The following PCDHA6 variants were observed in gnomAD, a reference collection of about 807,000 sequenced individuals.
PCDHA6 encodes protocadherin alpha-6.
Under a neutral mutation model 60.3 loss-of-function variants are expected in PCDHA6, and 55 were observed. The observed-to-expected ratio is 0.91, with a 90% CI of 0.73 to 1.14. PCDHA6 has a LOEUF of 1.14. Among genes scored for constraint, PCDHA6 ranks in the 50% most tolerant of loss-of-function variants. PCDHA6 has a pLI of 0.00. For missense variants in PCDHA6, 1,327 were observed against 1,256.5 expected, an observed-to-expected ratio of 1.06 and a Z score of -0.85; for synonymous variants, 652 against 557.9, an observed-to-expected ratio of 1.17 and a Z score of -2.38.
intron 1 of PCDHA6, chr5:140,968,757 A>G (rs1488596963): frequency 6.2e-7 from 1 of 1,614,204 alleles, no homozygotes; most frequent in Non-Finnish European, 8.5e-7. Flanking sequence ...GTGGTCCGAG[A>G]TAATGGAGAG....
chr5:140,982,789 G>A (rs894929116), intron 3 of PCDHA6, among the ~76,000 whole-genome samples: 3 of 151,400 alleles, frequency 2.0e-5, no homozygotes, highest in Admixed American at 6.5e-5. Context: ...GTGCACGCAT[G>A]TGTGCATGTG....
Position 140,828,657 on chromosome 5 carries a change from A to G in PCDHA6, c.566A>G (p.Asn189Ser), listed in dbSNP as rs2150157690. 3 of 1,614,090 alleles carry G rather than the reference A, an allele frequency of 1.9e-6. No homozygotes were observed. Among genetic ancestry groups the G allele is most frequent in the African/African-American group, 2.7e-5 (2 of 74,942 alleles). Residue 189 changes from asparagine (N) to serine (S), a missense_variant, in exon 1 of 4, where the codon AAT becomes AGT. By Grantham distance (46) the Asn-to-Ser change is conservative. Transcript: ENST00000529310. ...GLDVKINSDD[N>S]KQIGLLLKKS... ...GATGTGAAAATAAACAGTGATGACA[A>G]TAAACAAATTGGGCTCTTATTAAAG...
rs371505360 is a variant in PCDHA6, at chr5:140,882,840, C to T, written c.2394+52355C>T. 3.2e-5 allele frequency: 51 copies of T among 1,614,214 alleles called. 1 individual carries two copies. The African/African-American group carries it at 5.6e-4, about 18-fold the overall frequency. ...CAAAACAGTCTTGAGCAAATGTCTTCATTATCACTTGTACTGAGGAAAACA... is the reference window on the plus strand; with the variant it reads ...CAAAACAGTCTTGAGCAAATGTCTTTATTATCACTTGTACTGAGGAAAACA... On this transcript the variant is annotated intron_variant, in intron 1 of 3. Transcript: ENST00000529310.
chr5:140,832,432 T>C (rs1554133529), intron 1 of PCDHA6, among the ~76,000 whole-genome samples: 1 of 152,236 alleles, frequency 6.6e-6, no homozygotes, highest in Non-Finnish European at 1.5e-5. Flanking sequence ...TACATGATAA[T>C]TTTTAAGCGT....
In PCDHA6 at chr5:140,856,245, C is replaced by T. The variant is rs782062442; in HGVS notation, c.2394+25760C>T. 5.5e-5 allele frequency: 88 copies of T among 1,597,902 alleles called. 5 individuals are homozygous for T. The South Asian group carries it at 8.8e-4, about 16-fold the overall frequency. On this transcript the variant is annotated intron_variant, in intron 1 of 3. Coordinates refer to ENST00000529310, the MANE Select transcript of PCDHA6 (RefSeq NM_018909.4). ...CTGGTGCAGCGCCTGTTCCGGGTGGCGTCCAAAAGACACGGGGACCTTCTG... is the reference window on the plus strand; with the variant it reads ...CTGGTGCAGCGCCTGTTCCGGGTGGTGTCCAAAAGACACGGGGACCTTCTG...
intron 1 of PCDHA6, among the ~76,000 whole-genome samples, chr5:140,939,737 G>GTA (rs1554212873): frequency 6.6e-6 from 1 of 152,160 alleles, no homozygotes; most frequent in Non-Finnish European, 1.5e-5. Flanking sequence ...GTGTAGCTGT[G>GTA]TATCATTCAT....
In PCDHA6 at chr5:140,836,450, A is replaced by G. The variant is rs2150261212; in HGVS notation, c.2394+5965A>G. ...GGGCATCGTTGGGCATTGCAGGCCC[A>G]GAGACCGAGCTGGTGGATGTCAACG... On this transcript the variant is annotated intron_variant, in intron 1 of 3. Transcript: ENST00000529310. 70 of 1,613,750 alleles carry G rather than the reference A, an allele frequency of 4.3e-5. 1 individual carries two copies. The African/African-American group carries it at 8.4e-4, about 19-fold the overall frequency.
At position 140,828,543 on chromosome 5, in the gene PCDHA6, T is replaced by C; in HGVS notation, c.452T>C (p.Val151Ala). Residue 151 changes from valine to alanine, a missense_variant, in exon 1 of 4, where the codon GTG (valine) becomes GCG (alanine). Physicochemically the swap from Val to Ala is moderately conservative, Grantham distance 64. Transcript: ENST00000529310. The part of the protein sequence containing the change: ...LIYESRLPDS[V>A]FPLEGASDAD... ...TACGAATCTAGGCTGCCAGATTCTG[T>C]GTTTCCACTGGAGGGCGCGTCCGAT... is the stretch of plus-strand genomic sequence containing the variant. The C allele has an allele frequency of 6.2e-7, 1 of 1,614,216 alleles. No homozygotes were observed. Among genetic ancestry groups the C allele is most frequent in the Non-Finnish European group, 8.5e-7 (1 of 1,180,028 alleles).
chr5:140,852,319 C>T (rs2150515438), intron 1 of PCDHA6: 6 of 325,372 alleles, frequency 1.8e-5, no homozygotes, highest in Non-Finnish European at 2.8e-5. Context: ...TTTCTGCCAC[C>T]CAGGCTGGAG....
At chr5:141,005,352 GGAATGTCATA>G (rs1261780276) in intron 3 of PCDHA6, among the ~76,000 whole-genome samples, 2 of 152,178 alleles carry the variant, frequency 1.3e-5, no homozygotes, top group Non-Finnish European at 2.9e-5. Flanking sequence ...TGCTTGGCTA[GGAATGTCATA>G]GAATGCCTTT....
chr5:140,922,207 T>C (rs1208986922), intron 1 of PCDHA6, among the ~76,000 whole-genome samples: 3 of 152,162 alleles, frequency 2.0e-5, no homozygotes, highest in Non-Finnish European at 2.9e-5. Context: ...AATGAAACTT[T>C]GTAAAACATT....
At chr5:140,972,453 G>A (rs2096536665) in intron 1 of PCDHA6, among the ~76,000 whole-genome samples, 3 of 151,360 alleles carry the variant, frequency 2.0e-5, no homozygotes, top group South Asian at 2.1e-4. Context: ...TTTTTCTCTT[G>A]TTGCTTATTA....
chr5:140,882,966 T>C (rs201472469), intron 1 of PCDHA6: 3 of 1,614,202 alleles, frequency 1.9e-6, no homozygotes, highest in Non-Finnish European at 8.5e-7. Context: ...ATCACGATTC[T>C]GGACGTGAAT....
At chr5:140,850,722 A>T (rs2150495731) in intron 1 of PCDHA6, 1 of 1,597,444 alleles carries the variant, frequency 6.3e-7, no homozygotes, top group Non-Finnish European at 8.6e-7. Flanking sequence ...GGTGTGTTCT[A>T]GCGCGGTGGG....
At chr5:140,995,698 G>T (rs963042409) in intron 3 of PCDHA6, among the ~76,000 whole-genome samples, 1 of 152,104 alleles carries the variant, frequency 6.6e-6, no homozygotes, top group African/African-American at 2.4e-5. Context: ...TTAAATAAAG[G>T]GCTGGGCTTG....
chr5:140,885,516 T>A (rs1235698672), intron 1 of PCDHA6, among the ~76,000 whole-genome samples: 2 of 152,198 alleles, frequency 1.3e-5, no homozygotes, highest in Non-Finnish European at 2.9e-5. Flanking sequence ...TGCTGTGCTA[T>A]CATTTCATAT....
chr5:140,941,211 CTTCCTTTCTTT>C (rs782043135), intron 1 of PCDHA6, among the ~76,000 whole-genome samples: 8,933 of 129,680 alleles, frequency 0.069, 349 homozygotes, highest in Non-Finnish European at 0.093. Flanking sequence ...TCCTTTCTTT[CTTCCTTTCTTT>C]CTTTCTTTCT....
At chr5:140,981,584 A>G (rs556917015) in intron 2 of PCDHA6, among the ~76,000 whole-genome samples, 1 of 152,258 alleles carries the variant, frequency 6.6e-6, no homozygotes, top group Non-Finnish European at 1.5e-5. Context: ...AAAAATAAAT[A>G]AAATAAAACA....
In PCDHA6 at chr5:140,858,544, T is replaced by C. The variant is rs782004922; in HGVS notation, c.2394+28059T>C. ...ATATTTCATTTTTGTCTACATTCCA[T>C]TTATGCTTGAATATTTCTAGTGATA... On this transcript the variant is annotated intron_variant, in intron 1 of 3. Transcript: ENST00000529310. 5 of 1,398,226 alleles carry C rather than the reference T, an allele frequency of 3.6e-6. No homozygotes were observed. The South Asian group carries it at 5.0e-5, about 14-fold the overall frequency. 86.6% of individuals were successfully genotyped at this position (1,398,226 alleles called of 1,614,324 possible). A position where few individuals can be genotyped will look rare whatever the true frequency, so the allele number is the denominator to read the frequency against.
Sources: gnomAD v4.1 joint callset for allele counts (sites outside exome capture counted in the v4.1 genomes callset) on GRCh38, gnomAD v4.1.1 for gene constraint, MANE v1.5 for transcripts, NCBI Gene and HGNC (gene_info 2026-07-23, HGNC 2026-07-21) for gene names.